ZP2: variants seen among roughly 807,000 people sequenced by gnomAD.
ZP2 encodes zona pellucida glycoprotein 2, also known as zona pellucida sperm-binding protein 2.
In ZP2, 51 loss-of-function variants were observed where a neutral mutation model predicts 84.0. The ratio of observed to expected loss-of-function variants is 0.61; its 90% CI spans 0.49 to 0.77. The LOEUF is 0.77. Among genes scored for constraint, ZP2 ranks in the 30% least tolerant of loss-of-function variants. ZP2 has a pLI of 0.00. For synonymous variants in ZP2, 375 were observed against 330.9 expected (o/e 1.13, Z -1.45); for missense variants, 909 against 911.9 (o/e 1.00, Z 0.04).
chr16:21,207,904 A>C (rs113432460), intron 4 of ZP2, among the ~76,000 whole-genome samples: 1 of 152,024 alleles, frequency 6.6e-6, no homozygotes, highest in Non-Finnish European at 1.5e-5. Context: ...CCAAACCAAA[A>C]CAAAAACAAA....
intron 2 of ZP2, 101 bp downstream of exon 2, chr16:21,211,206 G>A (rs2093273422): frequency 2.0e-6 from 2 of 987,280 alleles, no homozygotes; most frequent in Non-Finnish European, 1.6e-6. Context: ...GGGGGTGAAT[G>A]GAGGTTGTCT....
intron 2 of ZP2, 78 bp downstream of exon 2, chr16:21,211,229 T>C: frequency 7.8e-7 from 1 of 1,281,358 alleles, no homozygotes; most frequent in Non-Finnish European, 1.1e-6. Flanking sequence ...GCCAGGCCTG[T>C]GTTTCTTGGC....
intron 17 of ZP2, among the ~76,000 whole-genome samples, chr16:21,198,331 G>A (rs1024065460): frequency 6.6e-6 from 1 of 152,046 alleles, no homozygotes; most frequent in Non-Finnish European, 1.5e-5. Context: ...GGAGGCAGAG[G>A]TTGCAGTGAG....
intron 9 of ZP2, chr16:21,203,740 T>G (rs373066601): frequency 2.1e-5 from 10 of 479,530 alleles, no homozygotes; most frequent in African/African-American, 1.8e-4. Flanking sequence ...CATTAGGTAT[T>G]TGACAAGTAG....
At chr16:21,201,236 C>A (rs1311695390) in intron 14 of ZP2, 133 bp downstream of exon 14, 3 of 765,406 alleles carry the variant, frequency 3.9e-6, no homozygotes. Context: ...AGAAGAGTCC[C>A]AATTAGAAAA....
At chr16:21,205,042 G>A (rs1028523562) in intron 7 of ZP2, among the ~76,000 whole-genome samples, 1 of 152,172 alleles carries the variant, frequency 6.6e-6, no homozygotes, top group African/African-American at 2.4e-5. Flanking sequence ...GAGTGCAGTG[G>A]TACAATCTCG....
chr16:21,204,270 G>A (rs201570826), intron 8 of ZP2, 38 bp downstream of exon 8: 550 of 1,613,796 alleles, frequency 3.4e-4, no homozygotes, highest in Admixed American at 7.2e-4. Flanking sequence ...CTAGGACAAT[G>A]TCTCCCACAC....
intron 17 of ZP2, 46 bp from the exon 18 acceptor site, chr16:21,197,895 A>G (rs1271730289): frequency 3.8e-6 from 6 of 1,584,584 alleles, no homozygotes. Flanking sequence ...ATGCTAGTCG[A>G]TGTGGTTAGC....
At chr16:21,212,214 A>C (rs1265904585), upstream of ZP2, among the ~76,000 whole-genome samples, 1 of 152,188 alleles carries the variant, frequency 6.6e-6, no homozygotes, top group African/African-American at 2.4e-5. Flanking sequence ...GGCGTGAGCC[A>C]TTGCACCTAC....
chr16:21,203,780 GTT>G (rs1407044426), intron 9 of ZP2: 5 of 551,312 alleles, frequency 9.1e-6, no homozygotes, highest in Non-Finnish European at 1.6e-5. Context: ...GCCTTAGACA[GTT>G]TTAAGACTTA....
Position 21,204,221 on chromosome 16 carries a change from AT to A in ZP2, c.791-11del, listed in dbSNP as rs566519096. On this transcript the variant is annotated splice_polypyrimidine_tract_variant and intron_variant, in intron 8 of 18. Coordinates refer to ENST00000574091, the MANE Select transcript of ZP2 (RefSeq NM_001376232.1). ...TTGCAGGTCACAGGATCTAGAAGGA[AT>A]GACAACAGAATGCCCATTACCAGCC... 5.6e-6 allele frequency: 9 copies of A among 1,614,120 alleles called. No individual in the cohort carries two copies. In the South Asian group the frequency reaches 8.8e-5, roughly 16 times the overall value.
At chr16:21,199,464 G>A in intron 16 of ZP2, 106 bp downstream of exon 16, 3 of 1,013,914 alleles carry the variant, frequency 3.0e-6, no homozygotes, top group Non-Finnish European at 2.8e-6. Context: ...AGAGCTCTGG[G>A]CAGTAAATAA....
At chr16:21,214,027 C>T (rs2093283521), upstream of ZP2, among the ~76,000 whole-genome samples, 1 of 151,982 alleles carries the variant, frequency 6.6e-6, no homozygotes, top group East Asian at 1.9e-4. Flanking sequence ...GCGCTACTCA[C>T]TCCCCTCGAG....
intron 14 of ZP2, among the ~76,000 whole-genome samples, chr16:21,201,165 C>A (rs2093223020): frequency 6.6e-6 from 1 of 151,618 alleles, no homozygotes; most frequent in South Asian, 2.1e-4. Context: ...TGCCGCAGCA[C>A]CCCAACCTGG....
intron 16 of ZP2, 105 bp from the exon 17 acceptor site, chr16:21,198,967 T>C: frequency 1.9e-6 from 2 of 1,074,290 alleles, no homozygotes; most frequent in Non-Finnish European, 2.8e-6. Flanking sequence ...ATTTTGTTCA[T>C]GTGGTTTGTC....
At position 21,206,980 on chromosome 16, in the gene ZP2, T is replaced by C. The variant is rs754924175; in HGVS notation, c.341A>G (p.His114Arg). ...DNCTRRVHGGHQMTIRVMNNS... is the reference protein window; with the variant it reads ...DNCTRRVHGGRQMTIRVMNNS... ...GTTCATGACTCTGATGGTCATCTGG[T>C]GTCCACCATGCTGTGTACAGATAGC... The change falls in exon 5 of 19, where the codon CAC becomes CGC. Residue 114 changes from histidine (H) to arginine (R), a missense_variant. Coordinates refer to ENST00000574091, the MANE Select transcript of ZP2 (RefSeq NM_001376232.1). 2.2e-5 allele frequency: 35 copies of C among 1,614,136 alleles called. 1 individual carries two copies. In the Middle Eastern group the frequency reaches 6.6e-4, roughly 30 times the overall value.
intron 4 of ZP2, among the ~76,000 whole-genome samples, chr16:21,208,015 T>TC (rs1420219371): frequency 2.0e-5 from 3 of 151,832 alleles, no homozygotes; most frequent in Admixed American, 6.6e-5. Flanking sequence ...AGGCCAGAAG[T>TC]TTGAGGCCAG....
chr16:21,197,594 A>G lies in ZP2; in HGVS notation c.2124T>C (p.Thr708=), dbSNP rs2152854100. The G allele has an allele frequency of 1.2e-6, 2 of 1,614,242 alleles. No homozygotes were observed. Among genetic ancestry groups the G allele is most frequent in the Non-Finnish European group, 1.7e-6 (2 of 1,180,042 alleles). The part of the protein sequence containing the change: ...RGAMDTKGHK[T]AGDVGSKAVA... ...CAGCTTTGGAACCAACATCTCCAGC[A>G]GTCTTGTGCCCTTTGGTGTCCATAG... Residue 708 remains threonine, a synonymous_variant, in exon 19 of 19, where the codon ACT becomes ACC. Coordinates refer to ENST00000574091, the MANE Select transcript of ZP2 (RefSeq NM_001376232.1).
At chr16:21,210,767 G>C (rs1372723822) in intron 2 of ZP2, among the ~76,000 whole-genome samples, 1 of 151,946 alleles carries the variant, frequency 6.6e-6, no homozygotes, top group South Asian at 2.1e-4. Context: ...TAGAGATGGG[G>C]TTTCACCACA....
Sources: gnomAD v4.1 joint callset for allele counts (sites outside exome capture counted in the v4.1 genomes callset) on GRCh38, gnomAD v4.1.1 for gene constraint, MANE v1.5 for transcripts, NCBI Gene and HGNC (gene_info 2026-07-23, HGNC 2026-07-21) for gene names.